The following MAN1A1 variants were observed in gnomAD, a reference collection of about 807,000 sequenced individuals.
MAN1A1 encodes mannosyl-oligosaccharide 1,2-alpha-mannosidase IA.
MAN1A1 carries 29 observed loss-of-function variants against 70.8 expected under a neutral mutation model. That is an observed-to-expected ratio of 0.41 (90% CI 0.31 to 0.56). MAN1A1 has a LOEUF of 0.56. MAN1A1 is among the 20% of genes least tolerant of loss of function. The probability of loss-of-function intolerance (pLI) is 0.29; values close to 1 mark genes in which losing one functional copy is unlikely to be tolerated. For synonymous variants in MAN1A1, 349 were observed against 330.1 expected (o/e 1.06, Z -0.62); for missense variants, 747 against 841.3 (o/e 0.89, Z 1.39).
chr6:119,244,983 T>C (rs993032782), intron 6 of MAN1A1, among the ~76,000 whole-genome samples: 2 of 152,146 alleles, frequency 1.3e-5, no homozygotes, highest in Non-Finnish European at 2.9e-5. Context: ...AAACCAATTA[T>C]CTTTAGGCAA....
At chr6:119,313,864 C>G (rs909868547) in intron 2 of MAN1A1, among the ~76,000 whole-genome samples, 10 of 151,344 alleles carry the variant, frequency 6.6e-5, no homozygotes, top group African/African-American at 2.2e-4. Flanking sequence ...ACAGAACCAC[C>G]AGGTCTAGGG....
At chr6:119,284,109 C>T (rs1470219797) in intron 5 of MAN1A1, among the ~76,000 whole-genome samples, 4 of 152,124 alleles carry the variant, frequency 2.6e-5, no homozygotes, top group African/African-American at 9.7e-5. Flanking sequence ...GTAAGCTCCA[C>T]AAGGCCAGGG....
At chr6:119,348,160 A>G (rs915574490) in intron 2 of MAN1A1, among the ~76,000 whole-genome samples, 1 of 152,230 alleles carries the variant, frequency 6.6e-6, no homozygotes, top group African/African-American at 2.4e-5. Flanking sequence ...TGTAGCGGCC[A>G]GAGAATGAGG....
chr6:119,246,082 T>C (rs745425608), intron 6 of MAN1A1, among the ~76,000 whole-genome samples: 2 of 152,206 alleles, frequency 1.3e-5, no homozygotes, highest in African/African-American at 4.8e-5. Context: ...AAGTTAAATA[T>C]ATTTCAAAAT....
intron 6 of MAN1A1, among the ~76,000 whole-genome samples, chr6:119,246,779 T>C (rs142980624): frequency 2.0e-4 from 30 of 152,140 alleles, no homozygotes; most frequent in African/African-American, 7.2e-4. Flanking sequence ...CAAATACTCA[T>C]GGGCCTCCAA....
chr6:119,320,617 C>T (rs1450331149), intron 2 of MAN1A1, among the ~76,000 whole-genome samples: 1 of 148,956 alleles, frequency 6.7e-6, no homozygotes, highest in Non-Finnish European at 1.5e-5. Context: ...GGGGAAGGCA[C>T]AAACGGTTAA....
At position 119,237,768 on chromosome 6, in the gene MAN1A1, C is replaced by G. The variant is rs148909912; in HGVS notation, c.992+10492G>C. 1.0e-3 allele frequency among the ~76,000 whole-genome samples: 154 copies of G among 152,278 alleles called. 1 individual carries two copies. The highest frequency in any genetic ancestry group is 3.6e-3 in the African/African-American group (149 of 41,544). ...TGTGATCTTTGTAAAACTGATACTA[C>G]TTATTAGTCCTACTTTAACAAATAA... On this transcript the variant is annotated intron_variant, in intron 6 of 12. Transcript: ENST00000368468.
At chr6:119,191,241 T>C (rs1012695412) in intron 9 of MAN1A1, among the ~76,000 whole-genome samples, 1 of 152,198 alleles carries the variant, frequency 6.6e-6, no homozygotes, top group Non-Finnish European at 1.5e-5. Context: ...ATAACACAAA[T>C]TGCAATAAAG....
intron 2 of MAN1A1, among the ~76,000 whole-genome samples, chr6:119,315,271 A>T (rs1466724460): frequency 6.6e-6 from 1 of 152,244 alleles, no homozygotes; most frequent in Admixed American, 6.5e-5. Flanking sequence ...ATTTAATGCT[A>T]TTGCATGAAT....
chr6:119,341,921 G>C (rs1449492879), intron 2 of MAN1A1, among the ~76,000 whole-genome samples: 2 of 152,038 alleles, frequency 1.3e-5, no homozygotes, highest in Non-Finnish European at 2.9e-5. Context: ...TTTGAAACCA[G>C]CCCGGGAAAT....
chr6:119,237,658 A>T (rs1051620582), intron 6 of MAN1A1, among the ~76,000 whole-genome samples: 1 of 152,156 alleles, frequency 6.6e-6, no homozygotes, highest in Non-Finnish European at 1.5e-5. Context: ...AGCAACCTGT[A>T]TGAAGTCCTG....
chr6:119,222,833 G>A (rs1324762645), intron 6 of MAN1A1, among the ~76,000 whole-genome samples: 1 of 152,152 alleles, frequency 6.6e-6, no homozygotes, highest in Non-Finnish European at 1.5e-5. Context: ...CTTCTCTGGT[G>A]GCAGAATCTC....
chr6:119,220,628 A>C (rs1290384734), intron 6 of MAN1A1, among the ~76,000 whole-genome samples: 1 of 152,348 alleles, frequency 6.6e-6, no homozygotes, highest in East Asian at 1.9e-4. Flanking sequence ...ATTACTGTTT[A>C]GCAAAGGAAA....
At chr6:119,250,964 C>T (rs1333164320) in intron 5 of MAN1A1, among the ~76,000 whole-genome samples, 1 of 152,196 alleles carries the variant, frequency 6.6e-6, no homozygotes, top group Non-Finnish European at 1.5e-5. Flanking sequence ...GTCCCTTGGA[C>T]TCAAGTGAAC....
intron 5 of MAN1A1, among the ~76,000 whole-genome samples, chr6:119,277,962 A>AAAAT (rs71015035): frequency 3.5e-4 from 40 of 114,672 alleles, no homozygotes; most frequent in African/African-American, 4.8e-4. Flanking sequence ...AAAAAAAGTA[A>AAAAT]AAATAAATAA....
At chr6:119,350,352 G>T (rs1415210351), upstream of MAN1A1, among the ~76,000 whole-genome samples, 3 of 152,186 alleles carry the variant, frequency 2.0e-5, no homozygotes, top group Non-Finnish European at 4.4e-5. Flanking sequence ...TAGGGGAGCC[G>T]TGACCCTGGG....
intron 10 of MAN1A1, among the ~76,000 whole-genome samples, chr6:119,189,248 C>A (rs1021387880): frequency 3.3e-5 from 5 of 152,170 alleles, no homozygotes; most frequent in African/African-American, 1.2e-4. Context: ...AACAGAAGGC[C>A]AGTTATTTAC....
chr6:119,241,152 T>TA (rs1011894788), intron 6 of MAN1A1, among the ~76,000 whole-genome samples: 8 of 151,446 alleles, frequency 5.3e-5, no homozygotes, highest in African/African-American at 1.5e-4. Context: ...CTCACTGGAT[T>TA]AAAAAAAAAG....
At chr6:119,301,848 TA>T in intron 4 of MAN1A1, 139 bp downstream of exon 4, 1 of 568,252 alleles carries the variant, frequency 1.8e-6, no homozygotes, top group Non-Finnish European at 3.1e-6. Flanking sequence ...GAATATAGTA[TA>T]AGATAATAGT....
Sources: allele counts gnomAD v4.1 joint callset (sites outside exome capture counted in the v4.1 genomes callset), GRCh38; gene constraint gnomAD v4.1.1; transcripts MANE v1.5; gene names NCBI Gene and HGNC (gene_info 2026-07-23, HGNC 2026-07-21).